Variants in RNF135 observed in about 807,000 individuals in gnomAD.
RNF135 encodes the protein E3 ubiquitin-protein ligase RNF135.
Under a neutral mutation model 41.9 loss-of-function variants are expected in RNF135, and 46 were observed. The observed-to-expected ratio is 1.10, with a 90% CI of 0.87 to 1.40. The LOEUF (loss-of-function observed/expected upper bound fraction) is 1.40, where lower values mean the gene tolerates loss of function less well. Among genes scored for constraint, RNF135 ranks in the 40% most tolerant of loss-of-function variants. RNF135 has a pLI of 0.00. For synonymous variants in RNF135, 238 were observed against 223.8 expected, an observed-to-expected ratio of 1.06 and a Z score of -0.57; for missense variants, 539 against 549.8, an observed-to-expected ratio of 0.98 and a Z score of 0.20.
chr17:30,992,613 G>A (rs1348609973), intron 3 of RNF135, among the ~76,000 whole-genome samples: 2 of 151,594 alleles, frequency 1.3e-5, no homozygotes, highest in East Asian at 1.9e-4. Flanking sequence ...CTGCAGGTGC[G>A]TGTCACCGCA....
rs1416396997 is a variant in RNF135, at chr17:30,983,339, ATATATATATATATATTTTTT to A, written c.373-1276_373-1257del. Reference sequence around the variant, plus strand: ...TATGTACATATATATATATATATATATATATATATATATATTTTTTTTTTTTTTTTTTGAGATGGAGTCTG... The same window carrying A: ...TATGTACATATATATATATATATATATTTTTTTTTTTTGAGATGGAGTCTG... On this transcript the variant is annotated intron_variant, in intron 1 of 4. Coordinates refer to ENST00000328381, the MANE Select transcript of RNF135 (RefSeq NM_032322.4). Among the ~76,000 whole-genome samples the A allele has an allele frequency of 4.4e-4, 12 of 27,536 alleles. No individual in the cohort carries two copies. The East Asian group carries it at 0.016, about 36-fold the overall frequency. The allele number at this position is 27,536 out of a possible 152,430, so 18.1% of individuals were successfully genotyped here. A position where few individuals can be genotyped will look rare whatever the true frequency, so the allele number is the denominator to read the frequency against.
At chr17:30,992,088 C>G (rs78678729) in intron 3 of RNF135, among the ~76,000 whole-genome samples, 2 of 152,054 alleles carry the variant, frequency 1.3e-5, no homozygotes, top group Non-Finnish European at 2.9e-5. Flanking sequence ...TGTGCCACCA[C>G]ACCTGGCTAA....
At chr17:30,962,356 A>G in the RNF135 span, among the ~76,000 whole-genome samples, 13 of 151,674 alleles carry the variant, frequency 8.6e-5, no homozygotes, top group Non-Finnish European at 1.8e-4. Context: ...ATGGTCTTGA[A>G]TTCTTGACCT....
the RNF135 span, among the ~76,000 whole-genome samples, chr17:30,960,715 A>T: frequency 1.4e-5 from 2 of 141,330 alleles, no homozygotes; most frequent in Admixed American, 6.7e-5. Flanking sequence ...ATTTTATTTT[A>T]TTTTATTTTA....
intron 1 of RNF135, 45 bp downstream of exon 1, chr17:30,971,490 C>A (rs1290457073): frequency 4.1e-6 from 6 of 1,450,692 alleles, no homozygotes; most frequent in Admixed American, 5.5e-5. Flanking sequence ...CCCGGGCTGC[C>A]CGCCGCCTGA....
chr17:30,963,717 G>A, the RNF135 span, among the ~76,000 whole-genome samples: 7 of 152,156 alleles, frequency 4.6e-5, no homozygotes, highest in African/African-American at 1.7e-4. Context: ...GAGTGTCAGT[G>A]AAGGCTTCTT....
chr17:30,971,417 G>A lies in RNF135; in HGVS notation c.344G>A (p.Arg115Lys), dbSNP rs111902263. The A allele has an allele frequency of 0.019, 29,091 of 1,516,774 alleles. 351 individuals carry two copies. The highest frequency in any genetic ancestry group is 0.023 in the Non-Finnish European group (25,707 of 1,139,508). The allele number at this position is 1,516,774 out of a possible 1,614,324, so 94.0% of individuals were successfully genotyped here. ...AGTTCCCTCTCCAGCGCGGCCGCGA[G>A]GCCCCGGCGCCGCCCGGAACTGCAG... ...GSSSLSSAAA[R>K]PRRRPELQRV... The change falls in exon 1 of 5, where the codon AGG becomes AAG. Residue 115 changes from arginine (R) to lysine (K), a missense_variant. By Grantham distance (26) the Arg-to-Lys change is conservative. Transcript: ENST00000328381.
chr17:30,971,716 G>A (rs897611325), intron 1 of RNF135: 2 of 1,312,064 alleles, frequency 1.5e-6, no homozygotes, highest in East Asian at 3.3e-5. Context: ...ATCGATCTTC[G>A]GTCTCTTTCT....
the RNF135 span, chr17:30,959,233 T>C: frequency 2.0e-5 from 3 of 152,138 alleles, no homozygotes; most frequent in Non-Finnish European, 4.4e-5. Flanking sequence ...GAAGTATAGA[T>C]AGGCAGTAAC....
intron 1 of RNF135, among the ~76,000 whole-genome samples, chr17:30,976,794 T>C (rs1906497865): frequency 6.6e-6 from 1 of 152,234 alleles, no homozygotes; most frequent in Non-Finnish European, 1.5e-5. Context: ...GCATGGGATA[T>C]ATTTTTCCAT....
intron 3 of RNF135, among the ~76,000 whole-genome samples, chr17:30,995,374 C>T (rs569640327): frequency 1.5e-4 from 22 of 150,770 alleles, no homozygotes; most frequent in Admixed American, 3.3e-4. Flanking sequence ...GGCGACAGAG[C>T]GAGACTCAGT....
At chr17:30,962,336 G>A in the RNF135 span, among the ~76,000 whole-genome samples, 3 of 151,958 alleles carry the variant, frequency 2.0e-5, no homozygotes, top group Non-Finnish European at 2.9e-5. Flanking sequence ...GTTTCACCAT[G>A]TTGGCCAGGA....
In RNF135 at chr17:30,971,238, C is replaced by T. The variant is rs1905889582; in HGVS notation, c.165C>T (p.Arg55=). 2.0e-6 allele frequency: 3 copies of T among 1,517,940 alleles called. No homozygotes were observed. The highest frequency in any genetic ancestry group is 2.6e-6 in the Non-Finnish European group (3 of 1,138,868). The allele number at this position is 1,517,940 out of a possible 1,614,324, so 94.0% of individuals were successfully genotyped here. Residue 55 remains arginine, a synonymous_variant, in exon 1 of 5, where the codon CGC becomes CGT. Transcript: ENST00000328381. ...LEALWGARDA[R]RWACPTCRQG... is the part of the protein sequence containing the mutation. ...CCCTGTGGGGCGCCCGCGACGCCCG[C>T]CGCTGGGCCTGCCCCACTTGCCGCC... is the stretch of plus-strand genomic sequence containing the variant.
chr17:30,963,620 G>A, the RNF135 span, among the ~76,000 whole-genome samples: 1 of 151,982 alleles, frequency 6.6e-6, no homozygotes, highest in Non-Finnish European at 1.5e-5. Flanking sequence ...GTTGAATTTT[G>A]AGAGTTCTTC....
intron 2 of RNF135, among the ~76,000 whole-genome samples, chr17:30,985,845 G>A (rs1232322897): frequency 1.3e-5 from 2 of 152,162 alleles, no homozygotes; most frequent in African/African-American, 2.4e-5. Flanking sequence ...TCTCATCTCT[G>A]CTCATGCTGC....
At chr17:30,994,199 T>C (rs572455401) in intron 3 of RNF135, among the ~76,000 whole-genome samples, 1 of 152,328 alleles carries the variant, frequency 6.6e-6, no homozygotes, top group African/African-American at 2.4e-5. Context: ...TTTTTCTAAA[T>C]TGTAGTGAAA....
At position 30,971,090 on chromosome 17, in the gene RNF135, T is replaced by C; in HGVS notation, c.17T>C (p.Leu6Pro). Residue 6 changes from leucine (L) to proline (P), a missense_variant, in exon 1 of 5, where the codon CTG becomes CCG. By Grantham distance (98) the Leu-to-Pro change is moderately conservative. Around this residue, in one of 2 missense-constraint regions of RNF135, gnomAD observed 277 missense variants for 212.8 expected, o/e 1.30. Coordinates refer to ENST00000328381, the MANE Select transcript of RNF135 (RefSeq NM_032322.4). MAGLG[L>P]GSAVPVWLAE... is the part of the protein sequence containing the mutation. Reference sequence around the variant, plus strand: ...CTGTTGGCCATGGCGGGCCTGGGCCTGGGCTCCGCCGTTCCCGTGTGGCTG... The same window carrying C: ...CTGTTGGCCATGGCGGGCCTGGGCCCGGGCTCCGCCGTTCCCGTGTGGCTG... 3.3e-6 allele frequency: 5 copies of C among 1,534,282 alleles called. No individual in the cohort carries two copies. The highest frequency in any genetic ancestry group is 2.4e-5 in the East Asian group (1 of 40,858).
At chr17:30,971,809 A>C (rs913891159) in intron 1 of RNF135, 24 of 813,100 alleles carry the variant, frequency 3.0e-5, no homozygotes, top group South Asian at 3.6e-5. Context: ...TTTGAGACGG[A>C]GTCTCGCTCT....
rs1908550791 is a variant in RNF135 at position 30,998,850 on chromosome 17, A to C, written c.958A>C (p.Arg320=). ...SGKHYWEVDT[R]NCSHWAVGVA... The stretch of plus-strand genomic sequence containing the variant: ...AAAGCATTACTGGGAAGTGGACACT[A>C]GGAATTGCAGCCACTGGGCAGTTGG... Residue 320 remains arginine, a synonymous_variant, in exon 5 of 5, where the codon AGG becomes CGG. Coordinates refer to ENST00000328381, the MANE Select transcript of RNF135 (RefSeq NM_032322.4). 6.2e-7 allele frequency: 1 copy of C among 1,613,004 alleles called. No individual in the cohort carries two copies. Among genetic ancestry groups the C allele is most frequent in the Non-Finnish European group, 8.5e-7 (1 of 1,179,390 alleles).
Sources: allele counts gnomAD v4.1 joint callset (sites outside exome capture counted in the v4.1 genomes callset), GRCh38; gene constraint gnomAD v4.1.1; regional missense constraint gnomAD v4.1.1; transcripts MANE v1.5; gene names NCBI Gene and HGNC (gene_info 2026-07-23, HGNC 2026-07-21).